Variants in NECTIN2 observed in about 807,000 individuals in gnomAD.
NECTIN2 encodes nectin cell adhesion molecule 2.
A neutral mutation model predicts 56.9 loss-of-function variants in NECTIN2; 23 were observed. That is an observed-to-expected ratio of 0.40 (90% CI 0.29 to 0.57). NECTIN2 has a LOEUF of 0.57. NECTIN2 is among the 20% of genes least tolerant of loss of function. The pLI, the probability that NECTIN2 is intolerant of heterozygous loss-of-function variation, is 0.38. For synonymous variants in NECTIN2, 302 were observed against 313.8 expected (o/e 0.96, Z 0.40); for missense variants, 587 against 718.3 (o/e 0.82, Z 2.09).
rs745920504 is a variant in NECTIN2, at chr19:44,882,389, G to T, written c.1196+25G>T. The T allele has an allele frequency of 2.1e-5, 29 of 1,372,070 alleles. No homozygotes were observed. In the South Asian group the frequency reaches 5.0e-4, roughly 24 times the overall value. 85.0% of individuals were successfully genotyped at this position (1,372,070 alleles called of 1,614,324 possible). A position where few individuals can be genotyped will look rare whatever the true frequency, so the allele number is the denominator to read the frequency against. On this transcript the variant is annotated intron_variant, in intron 6 of 8. Coordinates refer to ENST00000252483, the MANE Select transcript of NECTIN2 (RefSeq NM_001042724.2). The stretch of plus-strand genomic sequence containing the variant: ...AGTAAGTGATGGGCCCTGAGACGGG[G>T]ATGGGAGAGGGGTCGAAGAACTGAG...
At chr19:44,879,331 G>A (rs1387986443) in intron 5 of NECTIN2, among the ~76,000 whole-genome samples, 1 of 152,106 alleles carries the variant, frequency 6.6e-6, no homozygotes, top group Non-Finnish European at 1.5e-5. Context: ...GCTCAGCCAG[G>A]TTCCCTGCGT....
At chr19:44,876,144 A>C (rs1339764032) in intron 5 of NECTIN2, among the ~76,000 whole-genome samples, 2 of 152,120 alleles carry the variant, frequency 1.3e-5, no homozygotes, top group Non-Finnish European at 2.9e-5. Flanking sequence ...ATTCTCATTC[A>C]ACAAATATGT....
intron 5 of NECTIN2, chr19:44,878,600 C>T (rs139703202): frequency 8.7e-5 from 140 of 1,603,188 alleles, no homozygotes; most frequent in Non-Finnish European, 1.1e-4. Flanking sequence ...CCTCATCTCA[C>T]GGCGGGCAGT....
chr19:44,871,834 C>A lies in NECTIN2; in HGVS notation c.479-19C>A. On this transcript the variant is annotated intron_variant, in intron 2 of 8. Transcript: ENST00000252483. ...ACTGCCGGTGAGGAGTGACGCACCC[C>A]CTCTCCTCCTCTCCCCAGCCAAGCC... is the stretch of plus-strand genomic sequence containing the variant. 1 of 1,606,902 alleles carries A rather than the reference C, an allele frequency of 6.2e-7. No individual in the cohort carries two copies. Among genetic ancestry groups the A allele is most frequent in the South Asian group, 1.1e-5 (1 of 90,858 alleles).
chr19:44,868,430 T>G (rs983448296), intron 2 of NECTIN2, among the ~76,000 whole-genome samples: 1 of 150,994 alleles, frequency 6.6e-6, no homozygotes, highest in African/African-American at 2.4e-5. Context: ...CAGGGAAGAT[T>G]TTTTTTGAAG....
In NECTIN2 at chr19:44,874,999, G is replaced by A. The variant is rs1049133856; in HGVS notation, c.1042+521G>A. Reference sequence around the variant, plus strand: ...GAGCGCGGCCGGGACTGTTAACAGAGCCATGCTTCCTGGGACAGAGAGACC... The same window carrying A: ...GAGCGCGGCCGGGACTGTTAACAGAACCATGCTTCCTGGGACAGAGAGACC... On this transcript the variant is annotated intron_variant, in intron 5 of 8. Transcript: ENST00000252483. The surrounding 1 kb of genome is among the most constrained non-coding windows in gnomAD (Gnocchi z 6.3). 2.6e-5 allele frequency among the ~76,000 whole-genome samples: 4 copies of A among 152,268 alleles called. No individual in the cohort carries two copies. The highest frequency in any genetic ancestry group is 9.6e-5 in the African/African-American group (4 of 41,548).
intron 1 of NECTIN2, among the ~76,000 whole-genome samples, chr19:44,856,265 C>G (rs1409282724): frequency 6.6e-6 from 1 of 152,230 alleles, no homozygotes; most frequent in Non-Finnish European, 1.5e-5. Flanking sequence ...CCACTACACT[C>G]TGGCCTGGGT....
chr19:44,882,035 G>T, intron 5 of NECTIN2, 176 bp from the exon 6 acceptor site: 1 of 457,856 alleles, frequency 2.2e-6, no homozygotes, highest in Non-Finnish European at 3.6e-6. Flanking sequence ...CCCATGCGGG[G>T]CACACATCCT....
At chr19:44,877,418 T>TCC (rs1361489703) in intron 5 of NECTIN2, among the ~76,000 whole-genome samples, 1 of 152,062 alleles carries the variant, frequency 6.6e-6, no homozygotes, top group Non-Finnish European at 1.5e-5. Flanking sequence ...CCTCTCTCTC[T>TCC]CCGCCTCCCC....
At chr19:44,883,909 C>A (rs1221865448) in intron 6 of NECTIN2, among the ~76,000 whole-genome samples, 1 of 151,940 alleles carries the variant, frequency 6.6e-6, no homozygotes, top group Non-Finnish European at 1.5e-5. Flanking sequence ...AACTTGAGCT[C>A]AGGAGTTCGA....
At chr19:44,878,794 C>A (rs1969274502) in intron 5 of NECTIN2, 1 of 1,408,552 alleles carries the variant, frequency 7.1e-7, no homozygotes, top group Non-Finnish European at 9.2e-7. Context: ...TGGACTTCTC[C>A]CGTCTCTAGG....
rs375205788 is a variant in NECTIN2 at position 44,872,094 on chromosome 19, G to A, written c.720G>A (p.Val240=). The change falls in exon 3 of 9, where the codon GTG becomes GTA. Residue 240 remains valine (V), a synonymous_variant. Coordinates refer to ENST00000252483, the MANE Select transcript of NECTIN2 (RefSeq NM_001042724.2). Reference sequence around the variant, plus strand: ...ATGGTGTCACGGTCACCTGCAAAGTGGAGCATGAGAGCTTCGAGGAACCAG... The same window carrying A: ...ATGGTGTCACGGTCACCTGCAAAGTAGAGCATGAGAGCTTCGAGGAACCAG... The part of the protein sequence containing the change: ...RADGVTVTCK[V]EHESFEEPAL... 1.4e-4 allele frequency: 229 copies of A among 1,614,072 alleles called. No homozygotes were observed. The highest frequency in any genetic ancestry group is 1.3e-4 in the Non-Finnish European group (156 of 1,180,052).
chr19:44,886,090 G>A (rs1237689537), intron 7 of NECTIN2, 43 bp from the exon 8 acceptor site: 1 of 1,576,840 alleles, frequency 6.3e-7, no homozygotes, highest in Non-Finnish European at 8.7e-7. Flanking sequence ...CTGGCTGGGT[G>A]GTGGGGGCAG....
In NECTIN2 at chr19:44,877,497, C is replaced by T. The variant is rs1179667566; in HGVS notation, c.1042+3019C>T. On this transcript the variant is annotated intron_variant, in intron 5 of 8. Transcript: ENST00000252483. Reference sequence around the variant, plus strand: ...GAGCACTAAGGAAGTCCCACTGTCCCGGTCTGTGAGAACCCCATTTTACAC... The same window carrying T: ...GAGCACTAAGGAAGTCCCACTGTCCTGGTCTGTGAGAACCCCATTTTACAC... Among the ~76,000 whole-genome samples the T allele has an allele frequency of 2.0e-5, 3 of 152,188 alleles. 1 individual carries two copies. Among genetic ancestry groups the T allele is most frequent in the Admixed American group, 2.0e-4 (3 of 15,284 alleles).
At chr19:44,867,995 C>T (rs1311765355) in intron 2 of NECTIN2, among the ~76,000 whole-genome samples, 1 of 151,790 alleles carries the variant, frequency 6.6e-6, no homozygotes, top group Admixed American at 6.6e-5. Flanking sequence ...GGGAAGCGGG[C>T]GGCATATAGT....
At position 44,846,473 on chromosome 19, in the gene NECTIN2, C is replaced by A. The variant is rs896707256; in HGVS notation, c.-53C>A. The A allele has an allele frequency of 1.4e-6, 2 of 1,417,998 alleles. No individual in the cohort carries two copies. Among genetic ancestry groups the A allele is most frequent in the Admixed American group, 3.1e-5 (1 of 32,438 alleles). 87.8% of individuals were successfully genotyped at this position (1,417,998 alleles called of 1,614,324 possible). ...CTAAACCGCCCAGCCGATCGGCCCC[C>A]ACAGAGTGGCCCGCGGGCCTCCGGC... is the stretch of plus-strand genomic sequence containing the variant. On this transcript the variant is annotated 5_prime_UTR_variant, in exon 1 of 9. Transcript: ENST00000252483.
rs777560306 is a variant in NECTIN2, at chr19:44,871,940, G to A, written c.566G>A (p.Arg189His). The A allele has an allele frequency of 7.4e-6, 12 of 1,614,108 alleles. No individual in the cohort carries two copies. The highest frequency in any genetic ancestry group is 5.5e-5 in the South Asian group (5 of 91,082). The change falls in exon 3 of 9, where the codon CGC (arginine) becomes CAC (histidine). Residue 189 changes from arginine to histidine, a missense_variant. By Grantham distance (29) the Arg-to-His change is conservative. Coordinates refer to ENST00000252483, the MANE Select transcript of NECTIN2 (RefSeq NM_001042724.2). ...GCCCTCTGCATCTCCAAAGAGGGCC[G>A]CCCACCTGCCCGGATCTCCTGGCTC... ...TVALCISKEG[R>H]PPARISWLSS...
At chr19:44,871,648 T>C (rs528218113) in intron 2 of NECTIN2, among the ~76,000 whole-genome samples, 1 of 152,268 alleles carries the variant, frequency 6.6e-6, no homozygotes, top group Admixed American at 6.5e-5. Context: ...ATCCTAGGGG[T>C]GGGTACTTTC....
intron 1 of NECTIN2, among the ~76,000 whole-genome samples, chr19:44,855,070 A>G (rs1968948684): frequency 6.9e-6 from 1 of 145,072 alleles, no homozygotes. Context: ...GTGAGCCGAG[A>G]TCGCGCTGCT....
Sources: gnomAD v4.1 joint callset for allele counts (sites outside exome capture counted in the v4.1 genomes callset) on GRCh38, gnomAD v4.1.1 for gene constraint, Gnocchi (gnomAD v3.1) non-coding constraint, MANE v1.5 for transcripts, NCBI Gene and HGNC (gene_info 2026-07-23, HGNC 2026-07-21) for gene names.